KCTD16: variants seen among roughly 807,000 people sequenced by gnomAD.
KCTD16 encodes the protein potassium channel tetramerization domain containing 16, also known as BTB/POZ domain-containing protein KCTD16.
A neutral mutation model predicts 33.2 loss-of-function variants in KCTD16; 13 were observed. That is an observed-to-expected ratio of 0.39 (90% CI 0.25 to 0.62). The LOEUF is 0.62. Ranked by LOEUF, KCTD16 falls within the 20% of genes least tolerant of loss-of-function variation. KCTD16 has a pLI of 0.50. For synonymous variants in KCTD16, 197 were observed against 195.3 expected (o/e 1.01, Z -0.07); for missense variants, 441 against 525.1 (o/e 0.84, Z 1.57).
At chr5:144,188,049 C>T (rs933972642) in intron 2 of KCTD16, among the ~76,000 whole-genome samples, 1 of 152,134 alleles carries the variant, frequency 6.6e-6, no homozygotes, top group Non-Finnish European at 1.5e-5. Context: ...AGTTGTTTTT[C>T]ACCAGGGTTG....
chr5:144,374,771 A>G (rs1400304060), intron 3 of KCTD16, among the ~76,000 whole-genome samples: 2 of 152,044 alleles, frequency 1.3e-5, no homozygotes, highest in African/African-American at 2.4e-5. Context: ...CTGATAAAGT[A>G]CTACTAAGCT....
At chr5:144,294,691 G>A (rs1755989278) in intron 3 of KCTD16, among the ~76,000 whole-genome samples, 1 of 152,170 alleles carries the variant, frequency 6.6e-6, no homozygotes. Context: ...CTCAGTTAGA[G>A]CATGGGACAG....
At chr5:144,441,462 T>G (rs1295336445) in intron 3 of KCTD16, among the ~76,000 whole-genome samples, 2 of 152,154 alleles carry the variant, frequency 1.3e-5, no homozygotes, top group African/African-American at 4.8e-5. Flanking sequence ...AGTTTTGGGG[T>G]ACATGTGCAC....
intron 2 of KCTD16, among the ~76,000 whole-genome samples, chr5:144,196,223 G>T (rs1198313903): frequency 6.6e-6 from 1 of 152,150 alleles, no homozygotes. Flanking sequence ...TGTCGGCTCT[G>T]ATTGGCCAGT....
At chr5:144,271,387 G>T (rs918764493) in intron 3 of KCTD16, among the ~76,000 whole-genome samples, 17 of 151,804 alleles carry the variant, frequency 1.1e-4, no homozygotes, top group African/African-American at 3.6e-4. Flanking sequence ...CACATTAATA[G>T]AATGAAGGAA....
intron 3 of KCTD16, among the ~76,000 whole-genome samples, chr5:144,447,660 A>G (rs1312762706): frequency 6.6e-6 from 1 of 152,158 alleles, no homozygotes; most frequent in Non-Finnish European, 1.5e-5. Context: ...GAGACAGGGT[A>G]GATATTCACT....
At chr5:144,278,621 C>T (rs1329013459) in intron 3 of KCTD16, among the ~76,000 whole-genome samples, 1 of 151,380 alleles carries the variant, frequency 6.6e-6, no homozygotes, top group Non-Finnish European at 1.5e-5. Flanking sequence ...CCTCAGCCTC[C>T]CGAGTAGCTG....
chr5:144,234,237 C>T (rs1754184768), intron 3 of KCTD16, among the ~76,000 whole-genome samples: 1 of 152,080 alleles, frequency 6.6e-6, no homozygotes. Context: ...TTGTTCAAAC[C>T]TCCCTATTTG....
intron 3 of KCTD16, among the ~76,000 whole-genome samples, chr5:144,456,943 G>A (rs74488299): frequency 0.012 from 1,850 of 152,226 alleles, 43 homozygotes; most frequent in African/African-American, 0.042. Context: ...ATATCTGAAA[G>A]GTGGGGGAAC....
chr5:144,228,879 A>G (rs1895148), intron 3 of KCTD16, among the ~76,000 whole-genome samples: 26,965 of 152,236 alleles, frequency 0.18, 2,997 homozygotes, highest in Non-Finnish European at 0.24. Flanking sequence ...GTATAGTAAT[A>G]TAGTACATGT....
chr5:144,333,969 C>G (rs1301252087), intron 3 of KCTD16, among the ~76,000 whole-genome samples: 1 of 152,140 alleles, frequency 6.6e-6, no homozygotes, highest in African/African-American at 2.4e-5. Flanking sequence ...CTACCGTTAT[C>G]CAACAATTTG....
chr5:144,473,615 G>C lies in KCTD16; in HGVS notation c.833-45G>C. The stretch of plus-strand genomic sequence containing the variant: ...CAAGTGCTATACTGCTACTCCAACT[G>C]ACCTGGCTGGCATTAATCCTTTGGG... On this transcript the variant is annotated intron_variant, in intron 3 of 3. Coordinates refer to ENST00000512467, the MANE Select transcript of KCTD16 (RefSeq NM_020768.4). The C allele has an allele frequency of 2.6e-6, 4 of 1,523,496 alleles. No homozygotes were observed. The South Asian group carries it at 5.0e-5, about 19-fold the overall frequency. The allele number at this position is 1,523,496 out of a possible 1,614,324, so 94.4% of individuals were successfully genotyped here.
At chr5:144,312,601 G>T (rs952997809) in intron 3 of KCTD16, among the ~76,000 whole-genome samples, 1 of 152,168 alleles carries the variant, frequency 6.6e-6, no homozygotes. Context: ...AATGCCACTT[G>T]CAGTCTAATT....
intron 3 of KCTD16, among the ~76,000 whole-genome samples, chr5:144,398,081 G>A (rs1752615182): frequency 6.6e-6 from 1 of 152,152 alleles, no homozygotes; most frequent in African/African-American, 2.4e-5. Context: ...ATGAGAGCAT[G>A]GATTGATTAT....
rs554009246 is a variant in KCTD16, at chr5:144,457,472, G to C, written c.833-16188G>C. 4.6e-5 allele frequency among the ~76,000 whole-genome samples: 7 copies of C among 152,276 alleles called. No individual in the cohort carries two copies. The East Asian group carries it at 9.6e-4, about 21-fold the overall frequency. On this transcript the variant is annotated intron_variant, in intron 3 of 3. Transcript: ENST00000512467. Reference sequence around the variant, plus strand: ...ACAGGTTGCCCAGGTTAAGGGAGGAGGGGGATTGGAAGGGCATTTTAGGCA... The same window carrying C: ...ACAGGTTGCCCAGGTTAAGGGAGGACGGGGATTGGAAGGGCATTTTAGGCA...
At chr5:144,181,345 A>G (rs1752621374) in intron 2 of KCTD16, among the ~76,000 whole-genome samples, 3 of 152,254 alleles carry the variant, frequency 2.0e-5, no homozygotes, top group Admixed American at 2.0e-4. Context: ...AACAAAGAAT[A>G]GTGAACGTTC....
intron 2 of KCTD16, among the ~76,000 whole-genome samples, chr5:144,186,997 G>T (rs551430275): frequency 3.9e-5 from 6 of 152,184 alleles, no homozygotes; most frequent in Admixed American, 3.3e-4. Context: ...AGTGTCACTG[G>T]GGGAGAGAAA....
At chr5:144,435,132 C>T (rs1351625473) in intron 3 of KCTD16, among the ~76,000 whole-genome samples, 2 of 152,244 alleles carry the variant, frequency 1.3e-5, no homozygotes, top group Non-Finnish European at 2.9e-5. Context: ...ACAGTTCATT[C>T]AAGAAAAATA....
rs138551764 is a variant in KCTD16, at chr5:144,363,594, TC to T, written c.833-110065del. Among the ~76,000 whole-genome samples the T allele has an allele frequency of 4.9e-4, 75 of 152,152 alleles. 1 individual carries two copies. The East Asian group carries it at 0.013, about 27-fold the overall frequency. On this transcript the variant is annotated intron_variant, in intron 3 of 3. Transcript: ENST00000512467. The stretch of plus-strand genomic sequence containing the variant: ...ATGAATATGTGATAAGTTCAAATGA[TC>T]TCTGCTCCAGGAACATCAGAGTCAA...
Sources: gnomAD v4.1 joint callset for allele counts (sites outside exome capture counted in the v4.1 genomes callset) on GRCh38, gnomAD v4.1.1 for gene constraint, MANE v1.5 for transcripts, NCBI Gene and HGNC (gene_info 2026-07-23, HGNC 2026-07-21) for gene names.